FUT9: variants seen among roughly 807,000 people sequenced by gnomAD.
The protein encoded by FUT9 is 4-galactosyl-N-acetylglucosaminide 3-alpha-L-fucosyltransferase 9.
FUT9 carries 15 observed loss-of-function variants against 29.7 expected under a neutral mutation model. The observed-to-expected ratio is 0.51, with a 90% CI of 0.34 to 0.78. The LOEUF is 0.78. Ranked by LOEUF, FUT9 falls within the 30% of genes least tolerant of loss-of-function variation. The probability of loss-of-function intolerance (pLI) is 0.01; values close to 1 mark genes in which losing one functional copy is unlikely to be tolerated. For synonymous variants in FUT9, 169 were observed against 153.7 expected, an observed-to-expected ratio of 1.10 and a Z score of -0.74; for missense variants, 319 against 425.4, an observed-to-expected ratio of 0.75 and a Z score of 2.20.
chr6:96,114,670 A>G (rs1771877593), intron 2 of FUT9, among the ~76,000 whole-genome samples: 1 of 151,880 alleles, frequency 6.6e-6, no homozygotes, highest in South Asian at 2.1e-4. Context: ...TAAAAAAAGA[A>G]AAGTAGTCTT....
chr6:96,136,952 C>A (rs1375495002), intron 2 of FUT9, among the ~76,000 whole-genome samples: 3 of 151,880 alleles, frequency 2.0e-5, no homozygotes, highest in Admixed American at 2.0e-4. Flanking sequence ...AGACTGCATT[C>A]CCCCAAATAG....
At chr6:96,164,688 C>A (rs7761197) in intron 2 of FUT9, among the ~76,000 whole-genome samples, 2 of 152,088 alleles carry the variant, frequency 1.3e-5, no homozygotes, top group African/African-American at 2.4e-5. Flanking sequence ...GAAAGGAAGG[C>A]AAAATGAGGC....
chr6:96,085,842 C>A (rs762388331), intron 1 of FUT9, among the ~76,000 whole-genome samples: 2 of 152,138 alleles, frequency 1.3e-5, no homozygotes, highest in African/African-American at 4.8e-5. Flanking sequence ...TGCCTTGCAT[C>A]CCTCAAGTAT....
chr6:96,141,526 G>A (rs1772463457), intron 2 of FUT9, among the ~76,000 whole-genome samples: 1 of 152,182 alleles, frequency 6.6e-6, no homozygotes, highest in Admixed American at 6.5e-5. Flanking sequence ...GGTCCAGGGG[G>A]ATCAGAGAAG....
intron 2 of FUT9, among the ~76,000 whole-genome samples, chr6:96,117,878 T>C (rs1440212899): frequency 6.6e-6 from 1 of 152,196 alleles, no homozygotes; most frequent in Admixed American, 6.5e-5. Flanking sequence ...TCAAAATTTT[T>C]ACCTGAAATG....
chr6:96,098,891 C>G (rs1049417573), intron 1 of FUT9, among the ~76,000 whole-genome samples: 6 of 152,092 alleles, frequency 3.9e-5, no homozygotes, highest in African/African-American at 1.4e-4. Context: ...TAACTTTTCC[C>G]TGAGATACTG....
intron 2 of FUT9, among the ~76,000 whole-genome samples, chr6:96,165,806 G>A (rs1232702525): frequency 6.6e-6 from 1 of 152,040 alleles, no homozygotes; most frequent in Non-Finnish European, 1.5e-5. Context: ...AGTCGAGACG[G>A]AGTTTTGCCA....
intron 2 of FUT9, among the ~76,000 whole-genome samples, chr6:96,129,264 C>CAA (rs869216525): frequency 1.4e-3 from 18 of 13,332 alleles, no homozygotes; most frequent in African/African-American, 2.2e-3. Context: ...GACTCTGTCT[C>CAA]AAAAAAAAAA....
intron 1 of FUT9, among the ~76,000 whole-genome samples, chr6:96,019,323 C>A (rs1290614740): frequency 6.6e-6 from 1 of 151,894 alleles, no homozygotes; most frequent in African/African-American, 2.4e-5. Flanking sequence ...TTTTTATACT[C>A]TAATATATAT....
intron 1 of FUT9, among the ~76,000 whole-genome samples, chr6:96,045,523 A>G (rs1345993398): frequency 6.6e-6 from 1 of 152,208 alleles, no homozygotes; most frequent in African/African-American, 2.4e-5. Flanking sequence ...ATGAATTTTA[A>G]ACCAGACACT....
At chr6:96,032,121 CT>C (rs1484169587) in intron 1 of FUT9, among the ~76,000 whole-genome samples, 1 of 151,450 alleles carries the variant, frequency 6.6e-6, no homozygotes, top group African/African-American at 2.4e-5. Flanking sequence ...TAAAATAGGA[CT>C]TTTAAAAAAA....
At chr6:96,148,062 G>C (rs942629554) in intron 2 of FUT9, among the ~76,000 whole-genome samples, 1 of 151,826 alleles carries the variant, frequency 6.6e-6, no homozygotes, top group African/African-American at 2.4e-5. Flanking sequence ...TATTGAAACT[G>C]GGCAGCCCAT....
At chr6:96,060,335 C>T (rs1289210279) in intron 1 of FUT9, among the ~76,000 whole-genome samples, 1 of 152,156 alleles carries the variant, frequency 6.6e-6, no homozygotes, top group East Asian at 1.9e-4. Flanking sequence ...ATAACATTTA[C>T]ATACTAAATT....
At chr6:96,152,906 A>C (rs1470951228) in intron 2 of FUT9, among the ~76,000 whole-genome samples, 1 of 152,214 alleles carries the variant, frequency 6.6e-6, no homozygotes, top group African/African-American at 2.4e-5. Context: ...CATTCCCACG[A>C]ACACGGTTCA....
At chr6:96,063,778 G>T (rs1770916119) in intron 1 of FUT9, among the ~76,000 whole-genome samples, 1 of 152,294 alleles carries the variant, frequency 6.6e-6, no homozygotes, top group Admixed American at 6.5e-5. Flanking sequence ...GACGTAATTT[G>T]GTGAAGGATC....
chr6:96,043,686 A>G (rs1448480507), intron 1 of FUT9, among the ~76,000 whole-genome samples: 1 of 152,214 alleles, frequency 6.6e-6, no homozygotes, highest in African/African-American at 2.4e-5. Context: ...TCTTCTTTGA[A>G]TAGCATATTA....
rs370703618 is a variant in FUT9, at chr6:96,198,556, C to A, written c.-8-4592C>A. Among the ~76,000 whole-genome samples, 111 of 152,004 alleles carry A rather than the reference C, an allele frequency of 7.3e-4. 2 individuals are homozygous for A. In the East Asian group the frequency reaches 0.016, roughly 23 times the overall value. Reference sequence around the variant, plus strand: ...GGTTGGTTCCAAGTCTTTGCTATTGCGAATAATGCCGCAATAAACATACGT... The same window carrying A: ...GGTTGGTTCCAAGTCTTTGCTATTGAGAATAATGCCGCAATAAACATACGT... On this transcript the variant is annotated intron_variant, in intron 2 of 2. Transcript: ENST00000302103.
chr6:96,108,412 C>T (rs761306646), intron 1 of FUT9, among the ~76,000 whole-genome samples: 1 of 152,128 alleles, frequency 6.6e-6, no homozygotes, highest in Non-Finnish European at 1.5e-5. Context: ...TCACATTTCT[C>T]ATCTCTAAAA....
intron 1 of FUT9, among the ~76,000 whole-genome samples, chr6:96,018,530 T>A (rs1163806081): frequency 6.6e-6 from 1 of 152,126 alleles, no homozygotes; most frequent in Non-Finnish European, 1.5e-5. Context: ...CAGTTAAATA[T>A]AATGTATGGG....
Sources: allele counts gnomAD v4.1 joint callset (sites outside exome capture counted in the v4.1 genomes callset), GRCh38; gene constraint gnomAD v4.1.1; transcripts MANE v1.5; gene names NCBI Gene and HGNC (gene_info 2026-07-23, HGNC 2026-07-21).